The following GGT1 variants were observed in gnomAD, a reference collection of about 807,000 sequenced individuals.
GGT1 encodes the protein gamma-glutamyltransferase 1, also known as glutathione hydrolase 1 proenzyme.
A neutral mutation model predicts 56.0 loss-of-function variants in GGT1; 21 were observed. The observed-to-expected ratio is 0.38, with a 90% CI of 0.27 to 0.54. The LOEUF is 0.54. Ranked by LOEUF, GGT1 falls within the 20% of genes least tolerant of loss-of-function variation. GGT1 has a pLI of 0.82. For missense variants in GGT1, 466 were observed against 787.0 expected (o/e 0.59, Z 4.88); for synonymous variants, 238 against 342.6 (o/e 0.69, Z 3.37).
chr22:24,596,546 T>C (rs2045694590), intron 1 of GGT1, among the ~76,000 whole-genome samples: 1 of 152,016 alleles, frequency 6.6e-6, no homozygotes, highest in South Asian at 2.1e-4. Flanking sequence ...TGCTTCAGCC[T>C]CCCAAGTAGC....
At chr22:24,589,143 G>C in the GGT1 span, 1 of 1,141,014 alleles carries the variant, frequency 8.8e-7, no homozygotes, top group Non-Finnish European at 1.1e-6. Context: ...CCTGGTTTTG[G>C]TTGGGGACTC....
intron 5 of GGT1, among the ~76,000 whole-genome samples, chr22:24,614,395 A>ATCATGAGG (rs1341837594): frequency 3.4e-5 from 5 of 146,332 alleles, no homozygotes; most frequent in African/African-American, 1.3e-4. Flanking sequence ...AGGCAGGCGG[A>ATCATGAGG]TCATGAGGTC....
At chr22:24,585,822 T>A in the GGT1 span, 1 of 1,429,108 alleles carries the variant, frequency 7.0e-7, no homozygotes, top group South Asian at 1.4e-5. Flanking sequence ...TTGACCTTCA[T>A]CGCCCACTAT....
At chr22:24,595,128 G>T (rs1333544813) in intron 1 of GGT1, among the ~76,000 whole-genome samples, 2 of 152,136 alleles carry the variant, frequency 1.3e-5, no homozygotes, top group African/African-American at 4.8e-5. Flanking sequence ...CCTGTGGAAG[G>T]CAGAGAACTG....
upstream of GGT1, chr22:24,603,104 G>A (rs2147205112): frequency 6.9e-6 from 1 of 144,416 alleles, no homozygotes; most frequent in East Asian, 2.0e-4. Context: ...CAGTTCCTGT[G>A]CCTTTAAAGC....
Position 24,611,234 on chromosome 22 carries a change from G to A in GGT1, c.153G>A (p.Ser51=), listed in dbSNP as rs769279281. The A allele has an allele frequency of 4.6e-5, 72 of 1,556,388 alleles. No individual in the cohort carries two copies. Among genetic ancestry groups the A allele is most frequent in the South Asian group, 5.9e-5 (5 of 85,076 alleles). ...TGGCCGCGGATGCCAAGCAGTGCTC[G>A]AAGATTGGGAGGTGAGCAGGGCAGG... ...AAVAADAKQC[S]KIGRDALRDG... The change falls in exon 5 of 16, where the codon TCG becomes TCA. Residue 51 remains serine (S), a synonymous_variant. Transcript: ENST00000400382.
At chr22:24,606,610 G>A (rs1601657746) in intron 1 of GGT1, among the ~76,000 whole-genome samples, 1 of 152,156 alleles carries the variant, frequency 6.6e-6, no homozygotes, top group Non-Finnish European at 1.5e-5. Flanking sequence ...TGATCTTCAC[G>A]GGGAGGAATA....
At position 24,608,382 on chromosome 22, in the gene GGT1, C is replaced by T. The variant is rs532588328; in HGVS notation, c.-359+359C>T. Among the ~76,000 whole-genome samples, 23 of 152,378 alleles carry T rather than the reference C, an allele frequency of 1.5e-4. No homozygotes were observed. The South Asian group carries it at 4.1e-3, about 27-fold the overall frequency. ...CCTGGCTGGGTGTCCCCTGCTCCTC[C>T]AGCAGCCTACTTGGGCCTTTGGGTA... On this transcript the variant is annotated intron_variant, in intron 2 of 15. Transcript: ENST00000400382.
the GGT1 span, among the ~76,000 whole-genome samples, chr22:24,587,495 G>A: frequency 6.6e-6 from 1 of 152,228 alleles, no homozygotes; most frequent in African/African-American, 2.4e-5. Flanking sequence ...AGCTCAGCGT[G>A]GCCTATTAGG....
Position 24,605,409 on chromosome 22 carries a change from TTA to T in GGT1, c.-429+1887_-429+1888del, listed in dbSNP as rs1404343440. Among the ~76,000 whole-genome samples, 5 of 50,148 alleles carry T rather than the reference TTA, an allele frequency of 1.0e-4. 1 individual carries two copies. Among genetic ancestry groups the T allele is most frequent in the East Asian group, 1.2e-3 (2 of 1,716 alleles). The allele number at this position is 50,148 out of a possible 152,430, so 32.9% of individuals were successfully genotyped here. ...AATATGTATTATATATTATATAATA[TTA>T]TATAATATGTATTATATATTATATA... On this transcript the variant is annotated intron_variant, in intron 1 of 15. Coordinates refer to ENST00000400382, the MANE Select transcript of GGT1 (RefSeq NM_001288833.2).
In GGT1 at chr22:24,626,709, C is replaced by T. The variant is rs1490297691; in HGVS notation, c.1021-723C>T. Among the ~76,000 whole-genome samples, 17 of 151,300 alleles carry T rather than the reference C, an allele frequency of 1.1e-4. No individual in the cohort carries two copies. In the South Asian group the frequency reaches 2.5e-3, roughly 22 times the overall value. On this transcript the variant is annotated intron_variant, in intron 11 of 15. Coordinates refer to ENST00000400382, the MANE Select transcript of GGT1 (RefSeq NM_001288833.2). ...CCCCTTTGGGCTTTATCCTTATCCC[C>T]ATCATAGCTGCCAGAGGGATCCTGT...
rs759252241 is a variant in GGT1, at chr22:24,627,437, C to T, written c.1026C>T (p.Val342=). Reference sequence around the variant, plus strand: ...CAGCTCTGGGGTCTCGGCAGGTGGTCCGCAACATGACCTCCGAGTTCTTCG... The same window carrying T: ...CAGCTCTGGGGTCTCGGCAGGTGGTTCGCAACATGACCTCCGAGTTCTTCG... ...DPKFVDVTEV[V]RNMTSEFFAA... Residue 342 remains valine (V), a synonymous_variant, in exon 12 of 16, where the codon GTC becomes GTT. Transcript: ENST00000400382. 1.1e-5 allele frequency: 15 copies of T among 1,387,672 alleles called. No homozygotes were observed. The highest frequency in any genetic ancestry group is 1.4e-5 in the Non-Finnish European group (15 of 1,038,760). The allele number at this position is 1,387,672 out of a possible 1,614,324, so 86.0% of individuals were successfully genotyped here.
intron 9 of GGT1, 40 bp downstream of exon 9, chr22:24,621,110 C>G (rs1465692609): frequency 6.5e-7 from 1 of 1,548,778 alleles, no homozygotes; most frequent in African/African-American, 1.4e-5. Flanking sequence ...AGGAACTCTG[C>G]AGTGGAAACC....
At chr22:24,613,319 C>T (rs2046837059) in intron 5 of GGT1, among the ~76,000 whole-genome samples, 1 of 151,804 alleles carries the variant, frequency 6.6e-6, no homozygotes, top group Admixed American at 6.6e-5. Flanking sequence ...AGTGATCCTC[C>T]ACCTTGGCCT....
At chr22:24,612,258 T>C (rs1439862182) in intron 5 of GGT1, among the ~76,000 whole-genome samples, 1 of 147,858 alleles carries the variant, frequency 6.8e-6, no homozygotes, top group Non-Finnish European at 1.5e-5. Flanking sequence ...TTTTTTTTTT[T>C]TTTTTTTGGT....
Position 24,624,894 on chromosome 22 carries a change from C to T in GGT1, c.1020+978C>T, listed in dbSNP as rs545716917. 6.5e-4 allele frequency among the ~76,000 whole-genome samples: 98 copies of T among 151,862 alleles called. No individual in the cohort carries two copies. The South Asian group carries it at 0.019, about 29-fold the overall frequency. On this transcript the variant is annotated intron_variant, in intron 11 of 15. Coordinates refer to ENST00000400382, the MANE Select transcript of GGT1 (RefSeq NM_001288833.2). ...CTGCTCTATCCCCATGCCACCAGAT[C>T]GCCATGTCCAGCCTCAGTTTCCCCA...
upstream of GGT1, among the ~76,000 whole-genome samples, chr22:24,594,374 G>C (rs1283056979): frequency 7.0e-6 from 1 of 143,878 alleles, no homozygotes; most frequent in African/African-American, 2.7e-5. Context: ...AGGGACGACA[G>C]CCAAGCACCC....
At chr22:24,596,136 A>G (rs2045688495) in intron 1 of GGT1, among the ~76,000 whole-genome samples, 1 of 152,220 alleles carries the variant, frequency 6.6e-6, no homozygotes, top group Non-Finnish European at 1.5e-5. Flanking sequence ...GTGAGGCGAG[A>G]TCACAGGTAT....
chr22:24,599,664 C>G (rs115469897), upstream of GGT1, among the ~76,000 whole-genome samples: 2 of 152,264 alleles, frequency 1.3e-5, no homozygotes, highest in South Asian at 4.1e-4. Context: ...TCTGGCTGCT[C>G]TGGTGGCAGT....
Sources: allele counts gnomAD v4.1 joint callset (sites outside exome capture counted in the v4.1 genomes callset), GRCh38; gene constraint gnomAD v4.1.1; transcripts MANE v1.5; gene names NCBI Gene and HGNC (gene_info 2026-07-23, HGNC 2026-07-21).